Variants in NOL4 observed in about 807,000 individuals in gnomAD.
The protein encoded by NOL4 is cancer/testis antigen 125.
A neutral mutation model predicts 75.9 loss-of-function variants in NOL4; 17 were observed. The observed-to-expected ratio is 0.22, with a 90% confidence interval of 0.15 to 0.34. The LOEUF is 0.34. Ranked by LOEUF, NOL4 falls within the 10% of genes least tolerant of loss-of-function variation. The pLI, the probability that NOL4 is intolerant of heterozygous loss-of-function variation, is 1.00. For synonymous variants in NOL4, 292 were observed against 289.9 expected, an observed-to-expected ratio of 1.01 and a Z score of -0.07; for missense variants, 614 against 793.5, an observed-to-expected ratio of 0.77 and a Z score of 2.72.
rs188720612 is a variant in NOL4 at position 34,120,205 on chromosome 18, A to G, written c.414+9666T>C. Among the ~76,000 whole-genome samples the G allele has an allele frequency of 2.2e-3, 342 of 152,276 alleles. 2 individuals are homozygous for G. The highest frequency in any genetic ancestry group is 3.4e-3 in the Non-Finnish European group (229 of 68,016). ...AGGATATACCAAAAGCAGAAGTGAT[A>G]GGGTAGGTGGAAGCAATTATTGGAG... is the stretch of plus-strand genomic sequence containing the variant. On this transcript the variant is annotated intron_variant, in intron 2 of 10. Coordinates refer to ENST00000261592, the MANE Select transcript of NOL4 (RefSeq NM_003787.5).
chr18:33,886,218 G>A (rs1441049796), intron 9 of NOL4, among the ~76,000 whole-genome samples: 2 of 151,718 alleles, frequency 1.3e-5, no homozygotes, highest in African/African-American at 2.4e-5. Context: ...ATGGTTAATG[G>A]GTAAAAACAA....
chr18:33,885,485 T>C (rs2064582203), intron 9 of NOL4, among the ~76,000 whole-genome samples: 1 of 152,008 alleles, frequency 6.6e-6, no homozygotes, highest in African/African-American at 2.4e-5. Context: ...AGAAATCTAA[T>C]AATCTAATTA....
intron 1 of NOL4, among the ~76,000 whole-genome samples, chr18:34,201,177 T>C (rs1306166981): frequency 6.6e-6 from 1 of 151,762 alleles, no homozygotes; most frequent in Non-Finnish European, 1.5e-5. Context: ...CATTATCATT[T>C]CCAAAAACAC....
At chr18:34,040,843 A>G (rs1173590496) in intron 5 of NOL4, among the ~76,000 whole-genome samples, 1 of 152,034 alleles carries the variant, frequency 6.6e-6, no homozygotes, top group Non-Finnish European at 1.5e-5. Flanking sequence ...AATTGTTCAT[A>G]TAAATTTGGT....
At chr18:33,996,454 A>C (rs960396768) in intron 6 of NOL4, among the ~76,000 whole-genome samples, 2 of 151,842 alleles carry the variant, frequency 1.3e-5, no homozygotes, top group African/African-American at 4.8e-5. Flanking sequence ...ATCAGGGATT[A>C]CATATGCAGG....
chr18:34,029,061 A>G (rs1011135411), intron 5 of NOL4, among the ~76,000 whole-genome samples: 1 of 152,088 alleles, frequency 6.6e-6, no homozygotes, highest in Non-Finnish European at 1.5e-5. Context: ...CCAAGTAGGG[A>G]GACACGTAGA....
intron 5 of NOL4, among the ~76,000 whole-genome samples, chr18:34,067,853 G>T (rs1600468845): frequency 1.3e-5 from 2 of 151,818 alleles, no homozygotes; most frequent in East Asian, 3.9e-4. Context: ...TATCCTGTTG[G>T]GTATATAAGC....
At chr18:34,173,146 G>A (rs951789969) in intron 1 of NOL4, among the ~76,000 whole-genome samples, 1 of 152,034 alleles carries the variant, frequency 6.6e-6, no homozygotes. Flanking sequence ...CAAGCCAGAT[G>A]CAGAAAGACA....
At chr18:34,144,545 G>T (rs991525946) in intron 1 of NOL4, among the ~76,000 whole-genome samples, 1 of 151,988 alleles carries the variant, frequency 6.6e-6, no homozygotes, top group South Asian at 2.1e-4. Flanking sequence ...TTTGTAAATC[G>T]AGTTAGTGAT....
chr18:33,982,253 A>G (rs2072025385), intron 6 of NOL4, among the ~76,000 whole-genome samples: 1 of 152,142 alleles, frequency 6.6e-6, no homozygotes, highest in South Asian at 2.1e-4. Flanking sequence ...TATACCAATG[A>G]AAGAACAGAG....
intron 5 of NOL4, among the ~76,000 whole-genome samples, chr18:34,063,337 T>A (rs961725001): frequency 1.3e-5 from 2 of 152,108 alleles, no homozygotes. Context: ...ATATTTTGCT[T>A]TTCCAAAATA....
At chr18:34,176,180 G>A (rs184996001) in intron 1 of NOL4, among the ~76,000 whole-genome samples, 122 of 152,038 alleles carry the variant, frequency 8.0e-4, no homozygotes, top group African/African-American at 2.9e-3. Context: ...TTGAAAAGGA[G>A]AATCAATGAA....
chr18:33,928,476 C>T (rs2067479491), intron 9 of NOL4, among the ~76,000 whole-genome samples: 1 of 152,084 alleles, frequency 6.6e-6, no homozygotes, highest in African/African-American at 2.4e-5. Context: ...TTTCCAACTT[C>T]TTGAAAAAAA....
At chr18:34,140,747 G>A (rs116632332) in intron 1 of NOL4, among the ~76,000 whole-genome samples, 15 of 152,134 alleles carry the variant, frequency 9.9e-5, no homozygotes, top group Admixed American at 5.2e-4. Flanking sequence ...TATATTGGTC[G>A]CTAGTTGATG....
chr18:34,202,450 A>G (rs2035806849), intron 1 of NOL4, among the ~76,000 whole-genome samples: 1 of 151,978 alleles, frequency 6.6e-6, no homozygotes, highest in East Asian at 1.9e-4. Context: ...AATATTGAAA[A>G]TATTCATTTC....
chr18:34,059,135 A>ATATGTG (rs2076961556), intron 5 of NOL4, among the ~76,000 whole-genome samples: 1 of 93,262 alleles, frequency 1.1e-5, no homozygotes, highest in Admixed American at 9.8e-5. Context: ...ATATATATAT[A>ATATGTG]TATATATATA....
chr18:34,117,235 T>C (rs896336721), intron 2 of NOL4, among the ~76,000 whole-genome samples: 2 of 152,164 alleles, frequency 1.3e-5, no homozygotes, highest in South Asian at 4.1e-4. Context: ...GTGTAACAGA[T>C]GAGGGAGCTA....
At chr18:34,043,610 A>G (rs1037682449) in intron 5 of NOL4, among the ~76,000 whole-genome samples, 1 of 152,138 alleles carries the variant, frequency 6.6e-6, no homozygotes, top group Non-Finnish European at 1.5e-5. Flanking sequence ...CGCTTTAAAA[A>G]TATTCCTTGA....
chr18:33,945,372 G>C (rs8084683), intron 8 of NOL4, among the ~76,000 whole-genome samples: 2 of 151,396 alleles, frequency 1.3e-5, no homozygotes, highest in Admixed American at 1.3e-4. Flanking sequence ...ATACATAAAA[G>C]TTCGTTTAAC....
Sources: allele counts gnomAD v4.1 joint callset (sites outside exome capture counted in the v4.1 genomes callset), GRCh38; gene constraint gnomAD v4.1.1; transcripts MANE v1.5; gene names NCBI Gene and HGNC (gene_info 2026-07-23, HGNC 2026-07-21).